Variants in CYP2A6 observed in about 807,000 individuals in gnomAD.
CYP2A6 encodes cytochrome P450 family 2 subfamily A member 6, also known as cytochrome P450 2A6.
CYP2A6 carries 27 observed loss-of-function variants against 42.3 expected under a neutral mutation model. The observed-to-expected ratio is 0.64, with a 90% CI of 0.47 to 0.88. CYP2A6 has a LOEUF of 0.88. Ranked by LOEUF, CYP2A6 falls within the 40% of genes least tolerant of loss-of-function variation. The pLI, the probability that CYP2A6 is intolerant of heterozygous loss-of-function variation, is 0.00. For synonymous variants in CYP2A6, 238 were observed against 246.3 expected, an observed-to-expected ratio of 0.97 and a Z score of 0.31; for missense variants, 628 against 646.0, an observed-to-expected ratio of 0.97 and a Z score of 0.30.
rs370375659 is a variant in CYP2A6, at chr19:40,843,873, C to A, written c.1408G>T (p.Asp470Tyr). 2 of 1,612,204 alleles carry A rather than the reference C, an allele frequency of 1.2e-6. No homozygotes were observed. Among genetic ancestry groups the A allele is most frequent in the African/African-American group, 1.3e-5 (1 of 74,532 alleles). Residue 470 changes from aspartate to tyrosine, a missense_variant, in exon 9 of 9, where the codon GAC becomes TAC. Physicochemically the swap from Asp to Tyr is radical, Grantham distance 160. Coordinates refer to ENST00000301141, the MANE Select transcript of CYP2A6 (RefSeq NM_000762.6). ...ACGTGTTTGGGGGACACGTCAATGT[C>A]CTTAGGTGACTGGGAGGACTTGAGG... The part of the protein sequence containing the change: ...FRLKSSQSPK[D>Y]IDVSPKHVGF...
Position 40,850,190 on chromosome 19 carries a change from C to T in CYP2A6, c.180+57G>A, listed in dbSNP as rs28399436. On this transcript the variant is annotated intron_variant, in intron 1 of 8. Coordinates refer to ENST00000301141, the MANE Select transcript of CYP2A6 (RefSeq NM_000762.6). ...CACTGGTCAACCCCCTGCCACAAAG[C>T]CCCAGCCAACTAGGCAGCCCCCACC... 106 of 1,577,322 alleles carry T rather than the reference C, an allele frequency of 6.7e-5. 4 individuals are homozygous for T. The East Asian group carries it at 1.9e-3, about 28-fold the overall frequency.
intron 3 of CYP2A6, 33 bp from the exon 4 acceptor site, chr19:40,848,412 G>A (rs755008636): frequency 1.2e-6 from 2 of 1,611,060 alleles, no homozygotes; most frequent in Non-Finnish European, 1.7e-6. Flanking sequence ...GGGTTGGGGA[G>A]AGAGTCAACT....
chr19:40,845,202 G>T, intron 7 of CYP2A6, 92 bp downstream of exon 7: 1 of 1,522,336 alleles, frequency 6.6e-7, no homozygotes, highest in Non-Finnish European at 9.1e-7. Context: ...GAGTGGGACA[G>T]GGTCTAGAAA....
At chr19:40,846,599 G>A (rs1484634577) in intron 5 of CYP2A6, among the ~76,000 whole-genome samples, 1 of 151,120 alleles carries the variant, frequency 6.6e-6, no homozygotes, top group Admixed American at 6.6e-5. Context: ...CCCCCTTCGC[G>A]CCACCATGCC....
Position 40,848,693 on chromosome 19 carries a change from G to C in CYP2A6, c.414C>G (p.Phe138Leu). Residue 138 changes from phenylalanine to leucine, a missense_variant, in exon 3 of 9, where the codon TTC becomes TTG. Phe to Leu is a conservative substitution (Grantham distance 22). Coordinates refer to ENST00000301141, the MANE Select transcript of CYP2A6 (RefSeq NM_000762.6). ...CCTCGATGCCTCGCTTGCCCACCCCGAAGTCCCGCAGGGTGGCGATGGAGA... is the reference window on the plus strand; with the variant it reads ...CCTCGATGCCTCGCTTGCCCACCCCCAAGTCCCGCAGGGTGGCGATGGAGA... ...RRFSIATLRD[F>L]GVGKRGIEER... The C allele has an allele frequency of 6.2e-7, 1 of 1,611,948 alleles. No homozygotes were observed. Among genetic ancestry groups the C allele is most frequent in the South Asian group, 1.1e-5 (1 of 90,944 alleles).
At chr19:40,848,478 C>A in intron 3 of CYP2A6, 99 bp from the exon 4 acceptor site, 1 of 1,585,114 alleles carries the variant, frequency 6.3e-7, no homozygotes, top group Non-Finnish European at 8.6e-7. Context: ...GAGCCAAATT[C>A]CCAGCGCCAG....
rs67032351 is a variant in CYP2A6 at position 40,848,940 on chromosome 19, T to TAGAGAGAG, written c.344-185_344-178dup. Among the ~76,000 whole-genome samples, 33 of 66,164 alleles carry TAGAGAGAG rather than the reference T, an allele frequency of 5.0e-4. 1 individual carries two copies. The highest frequency in any genetic ancestry group is 1.5e-3 in the African/African-American group (22 of 14,216). 43.4% of individuals were successfully genotyped at this position (66,164 alleles called of 152,430 possible). A position where few individuals can be genotyped will look rare whatever the true frequency, so the allele number is the denominator to read the frequency against. ...CAGTCAGAGAAACACGATGTCGAGG[T>TAGAGAGAG]AGAGAGAGAGAGAGAGAGAGAGAGA... On this transcript the variant is annotated intron_variant, in intron 2 of 8. Transcript: ENST00000301141.
chr19:40,845,160 T>A, intron 7 of CYP2A6, 134 bp downstream of exon 7: 1 of 1,077,008 alleles, frequency 9.3e-7, no homozygotes, highest in Admixed American at 2.1e-5. Context: ...ACGGATGTGG[T>A]GGTTGGGGAA....
At chr19:40,850,178 C>T in intron 1 of CYP2A6, 69 bp downstream of exon 1, 1 of 1,570,506 alleles carries the variant, frequency 6.4e-7, no homozygotes, top group Admixed American at 1.7e-5. Context: ...TGGTCAACCC[C>T]CTGCCACAAA....
chr19:40,849,904 G>A lies in CYP2A6; in HGVS notation c.257C>T (p.Ala86Val), dbSNP rs752135850. The A allele has an allele frequency of 1.4e-5, 23 of 1,611,458 alleles. No homozygotes were observed. The highest frequency in any genetic ancestry group is 1.2e-4 in the Admixed American group (7 of 59,952). ...RRVVVLCGHD[A>V]VREALVDQAE... ...CTGGTCCACCAGAGCCTCCCTGACG[G>A]CATCATGTCCACACAGCACCACGAC... is the stretch of plus-strand genomic sequence containing the variant. The change falls in exon 2 of 9, where the codon GCC (alanine) becomes GTC (valine). Residue 86 changes from alanine (A) to valine (V), a missense_variant. Coordinates refer to ENST00000301141, the MANE Select transcript of CYP2A6 (RefSeq NM_000762.6).
chr19:40,848,524 C>T (rs1967139720), intron 3 of CYP2A6, 90 bp downstream of exon 3: 3 of 1,586,664 alleles, frequency 1.9e-6, no homozygotes, highest in African/African-American at 2.7e-5. Context: ...CTTTCCCCAC[C>T]TAGTCCCCAT....
rs754911002 is a variant in CYP2A6, at chr19:40,843,802, G to A, written c.1479C>T (p.Pro493=). ...IPRNYTMSFL[P]R ...GCACCGGCACAGCCCTCGCTCAGCG[G>A]GGCAGGAAGCTCATGGTGTAGTTTC... Residue 493 remains proline, a synonymous_variant, in exon 9 of 9, where the codon CCC becomes CCT. Transcript: ENST00000301141. 8 of 1,607,342 alleles carry A rather than the reference G, an allele frequency of 5.0e-6. No individual in the cohort carries two copies. In the African/African-American group the frequency reaches 9.5e-5, roughly 19 times the overall value.
chr19:40,845,950 C>G lies in CYP2A6; in HGVS notation c.973+6G>C, dbSNP rs2083454176. 2 of 1,610,642 alleles carry G rather than the reference C, an allele frequency of 1.2e-6. No homozygotes were observed. Among genetic ancestry groups the G allele is most frequent in the East Asian group, 4.6e-5 (2 of 43,316 alleles). On this transcript the variant is annotated splice_donor_region_variant and intron_variant, in intron 6 of 8. Coordinates refer to ENST00000301141, the MANE Select transcript of CYP2A6 (RefSeq NM_000762.6). Reference sequence around the variant, plus strand: ...GCCCTCCACTTCCGTCCCCCTCCAGCCTTACCCTCCACCTCTGGGTGCTTC... The same window carrying G: ...GCCCTCCACTTCCGTCCCCCTCCAGGCTTACCCTCCACCTCTGGGTGCTTC...
In CYP2A6 at chr19:40,850,050, T is replaced by G. The variant is rs1273623996; in HGVS notation, c.181-70A>C. 1.9e-6 allele frequency: 3 copies of G among 1,587,570 alleles called. No individual in the cohort carries two copies. In the African/African-American group the frequency reaches 4.1e-5, roughly 22 times the overall value. ...CTGAATGGGGCCCAGCACCGAGATG[T>G]CATGTGCTGGGATGCTTCGCACCCA... On this transcript the variant is annotated intron_variant, in intron 1 of 8. Transcript: ENST00000301141.
intron 1 of CYP2A6, 107 bp downstream of exon 1, chr19:40,850,140 C>T (rs1342752307): frequency 9.1e-6 from 14 of 1,532,586 alleles, no homozygotes; most frequent in Admixed American, 4.0e-5. Context: ...AACTCCAAAA[C>T]TCCATTTCCT....
chr19:40,844,927 A>AAGGTTC (rs1434971818), intron 7 of CYP2A6, 155 bp from the exon 8 acceptor site: 2 of 971,608 alleles, frequency 2.1e-6, no homozygotes, highest in Admixed American at 2.9e-5. Flanking sequence ...TGGGGGATAG[A>AAGGTTC]AGGTTCACAT....
At chr19:40,849,735 G>C in intron 2 of CYP2A6, 83 bp downstream of exon 2, 4 of 1,583,914 alleles carry the variant, frequency 2.5e-6, no homozygotes, top group Admixed American at 3.4e-5. Flanking sequence ...CCTCCAGTTG[G>C]CAGGAGAGTC....
Position 40,844,762 on chromosome 19 carries a change from A to C in CYP2A6, c.1172T>G (p.Val391Gly), listed in dbSNP as rs2083447082. 4.3e-6 allele frequency: 7 copies of C among 1,610,968 alleles called. No individual in the cohort carries two copies. Among genetic ancestry groups the C allele is most frequent in the Non-Finnish European group, 5.9e-6 (7 of 1,179,542 alleles). The change falls in exon 8 of 9, where the codon GTG becomes GGG. Residue 391 changes from valine to glycine, a missense_variant. Around this residue, in one of 2 missense-constraint regions of CYP2A6, gnomAD observed 606 missense variants for 568.1 expected, o/e 1.07. Coordinates refer to ENST00000301141, the MANE Select transcript of CYP2A6 (RefSeq NM_000762.6). ...CAGCACAGAGCCCAGCATAGGGTAC[A>C]CTTCGGTGCCCTGGTAGGGAGGAGG... ...RDFFLPKGTE[V>G]YPMLGSVLRD...
In CYP2A6 at chr19:40,843,769, C is replaced by CCAGA; in HGVS notation, c.*23_*26dup. On this transcript the variant is annotated 3_prime_UTR_variant, in exon 9 of 9. Coordinates refer to ENST00000301141, the MANE Select transcript of CYP2A6 (RefSeq NM_000762.6). ...CCTGCCCTTTCCCTGGCCCCGCCCA[C>CCAGA]CAGACCTGCACCGGCACAGCCCTCG... 1 of 1,572,538 alleles carries CCAGA rather than the reference C, an allele frequency of 6.4e-7. No homozygotes were observed. Among genetic ancestry groups the CCAGA allele is most frequent in the Non-Finnish European group, 8.6e-7 (1 of 1,165,162 alleles).
Sources: allele counts gnomAD v4.1 joint callset (sites outside exome capture counted in the v4.1 genomes callset), GRCh38; gene constraint gnomAD v4.1.1; regional missense constraint gnomAD v4.1.1; transcripts MANE v1.5; gene names NCBI Gene and HGNC (gene_info 2026-07-23, HGNC 2026-07-21).